Variants in ZNF81 observed in about 807,000 individuals in gnomAD.
ZNF81 encodes the protein zinc finger protein 81.
A neutral mutation model predicts 32.3 loss-of-function variants in ZNF81; 5 were observed. That is an observed-to-expected ratio of 0.15 (90% CI 0.08 to 0.33). ZNF81 has a LOEUF of 0.33. Among genes scored for constraint, ZNF81 ranks in the 10% least tolerant of loss-of-function variants. ZNF81 has a pLI of 1.00. For missense variants in ZNF81, 379 were observed against 479.8 expected, an observed-to-expected ratio of 0.79 and a Z score of 1.96; for synonymous variants, 163 against 166.8, an observed-to-expected ratio of 0.98 and a Z score of 0.17.
Position 47,915,679 on chromosome X carries a change from T to C in ZNF81, c.1033T>C (p.Leu345=). 8.3e-7 allele frequency: 1 copy of C among 1,209,558 alleles called. No individual in the cohort carries two copies. The highest frequency in any genetic ancestry group is 1.1e-6 in the Non-Finnish European group (1 of 894,709). Reference sequence around the variant, plus strand: ...GAAGGCCTTCATCCAGAATTCAGAATTAATTATGCATGAGAAAACTCATAC... The same window carrying C: ...GAAGGCCTTCATCCAGAATTCAGAACTAATTATGCATGAGAAAACTCATAC... ...CGKAFIQNSE[L]IMHEKTHTRE... is the part of the protein sequence containing the mutation. Residue 345 remains leucine, a synonymous_variant, in exon 5 of 5, where the codon TTA becomes CTA. Transcript: ENST00000338637.
At chrX:47,894,631 C>G (rs1255318552) in intron 3 of ZNF81, among the ~76,000 whole-genome samples, 1 of 111,433 alleles carries the variant, frequency 9.0e-6, no homozygotes, top group Non-Finnish European at 1.9e-5. Flanking sequence ...GCTAGTGGAC[C>G]ATTAGGGGTA....
At chrX:47,902,201 A>G (rs781925446) in intron 4 of ZNF81, among the ~76,000 whole-genome samples, 2 of 111,773 alleles carry the variant, frequency 1.8e-5, no homozygotes, top group South Asian at 3.7e-4. Context: ...ATCTTCGCCA[A>G]TGTACTCTCT....
intron 4 of ZNF81, among the ~76,000 whole-genome samples, chrX:47,905,905 C>A (rs2058719741): frequency 9.0e-6 from 1 of 111,664 alleles, no homozygotes; most frequent in Non-Finnish European, 1.9e-5. Flanking sequence ...GGTGCATTCT[C>A]CTGAGTTCCA....
intron 2 of ZNF81, among the ~76,000 whole-genome samples, chrX:47,857,674 T>C (rs187525404): frequency 9.0e-6 from 1 of 111,521 alleles, no homozygotes; most frequent in East Asian, 2.8e-4. Flanking sequence ...CTCACAAGCA[T>C]GCAACATGCA....
rs1461662244 is a variant in ZNF81 at position 47,884,603 on chromosome X, AATAG to A, written c.55-3392_55-3389del. ...TTTTAGAGTGATTTGCTATGCATCA[AATAG>A]ATAAGTAACACAGATTTTGGTACTG... On this transcript the variant is annotated intron_variant, in intron 2 of 4. Transcript: ENST00000338637. 7.1e-5 allele frequency among the ~76,000 whole-genome samples: 8 copies of A among 112,110 alleles called. 1 individual carries two copies. In the Admixed American group the frequency reaches 7.6e-4, roughly 11 times the overall value.
intron 2 of ZNF81, among the ~76,000 whole-genome samples, chrX:47,860,353 T>A (rs781978321): frequency 4.8e-5 from 5 of 105,176 alleles, no homozygotes; most frequent in African/African-American, 1.7e-4. Context: ...TTTTTCATAT[T>A]TTTTTTTTTA....
chrX:47,914,812 A>G (rs782134553), intron 4 of ZNF81, 112 bp from the exon 5 acceptor site: 137 of 733,726 alleles, frequency 1.9e-4, no homozygotes, highest in South Asian at 5.0e-4. Flanking sequence ...CATCATTGTC[A>G]TCATGAGATT....
chrX:47,888,107 A>T lies in ZNF81; in HGVS notation c.163A>T (p.Ser55Cys). ...CCAGGATGTAATGTTGGAGAACTAC[A>T]GCCACCTGCTCTCAGTGGGTAAGGA... Reference protein sequence around the residue: ...LYQDVMLENYSHLLSVGFEVP... With the variant: ...LYQDVMLENYCHLLSVGFEVP... Residue 55 changes from serine (S) to cysteine (C), a missense_variant, in exon 3 of 5, where the codon AGC becomes TGC. Ser to Cys is a moderately radical substitution (Grantham distance 112). Coordinates refer to ENST00000338637, the MANE Select transcript of ZNF81 (RefSeq NM_007137.5). 1 of 1,210,033 alleles carries T rather than the reference A, an allele frequency of 8.3e-7. No homozygotes were observed. Among genetic ancestry groups the T allele is most frequent in the East Asian group, 3.0e-5 (1 of 33,794 alleles).
chrX:47,922,144 A>G lies in ZNF81; in HGVS notation c.*5512A>G, dbSNP rs1259353110. The G allele has an allele frequency of 8.9e-6, 1 of 112,051 alleles. No homozygotes were observed. The highest frequency in any genetic ancestry group is 1.9e-5 in the Non-Finnish European group (1 of 53,215). 9.2% of individuals were successfully genotyped at this position (112,051 alleles called of 1,213,427 possible). ...AAGCTAACTGATACATTGATTATTTATTGCATTTCTTCCTCCACTATTCTT... is the reference window on the plus strand; with the variant it reads ...AAGCTAACTGATACATTGATTATTTGTTGCATTTCTTCCTCCACTATTCTT... On this transcript the variant is annotated 3_prime_UTR_variant, in exon 5 of 5. Coordinates refer to ENST00000338637, the MANE Select transcript of ZNF81 (RefSeq NM_007137.5).
intron 2 of ZNF81, among the ~76,000 whole-genome samples, chrX:47,854,738 C>T (rs1248446407): frequency 9.0e-6 from 1 of 111,701 alleles, no homozygotes; most frequent in African/African-American, 3.3e-5. Context: ...GCGCATGGTT[C>T]GTGGTGCCCT....
At chrX:47,864,185 CT>C (rs2058551599) in intron 2 of ZNF81, among the ~76,000 whole-genome samples, 8 of 111,351 alleles carry the variant, frequency 7.2e-5, no homozygotes, top group African/African-American at 2.6e-4. Context: ...CTCTGAAGTC[CT>C]TTTGAGTCAG....
intron 3 of ZNF81, 79 bp from the exon 4 acceptor site, chrX:47,895,766 A>G (rs993174033): frequency 2.7e-6 from 2 of 739,962 alleles, no homozygotes; most frequent in Non-Finnish European, 4.2e-6. Context: ...TCAGTTCCCC[A>G]TGAAATGTGG....
At chrX:47,840,742 A>C (rs1262280961) in intron 1 of ZNF81, among the ~76,000 whole-genome samples, 2 of 111,692 alleles carry the variant, frequency 1.8e-5, no homozygotes, top group Non-Finnish European at 3.8e-5. Flanking sequence ...TCCTGACCTC[A>C]GGTGATCCGC....
At chrX:47,840,391 C>T (rs373374749) in intron 1 of ZNF81, among the ~76,000 whole-genome samples, 3 of 111,190 alleles carry the variant, frequency 2.7e-5, no homozygotes, top group Admixed American at 1.9e-4. Flanking sequence ...CAGATGAGGC[C>T]GCAGCCAATG....
chrX:47,838,191 A>G (rs1341645100), intron 1 of ZNF81, among the ~76,000 whole-genome samples: 2 of 111,784 alleles, frequency 1.8e-5, no homozygotes, highest in African/African-American at 6.5e-5. Flanking sequence ...GCTGAGCTCA[A>G]TTATTAGGTT....
chrX:47,841,511 C>T (rs868977539), intron 1 of ZNF81: 5 of 969,429 alleles, frequency 5.2e-6, no homozygotes, highest in Middle Eastern at 2.8e-4. Context: ...CACCTTGTCA[C>T]GTTTCTGCCG....
chrX:47,900,771 T>G (rs782083997), intron 4 of ZNF81, among the ~76,000 whole-genome samples: 2 of 111,726 alleles, frequency 1.8e-5, no homozygotes, highest in Non-Finnish European at 3.8e-5. Flanking sequence ...CAGGTGCACT[T>G]CAGCCCTGCT....
Position 47,925,416 on chromosome X carries a change from G to A in ZNF81, c.*8784G>A, listed in dbSNP as rs1408854484. The stretch of plus-strand genomic sequence containing the variant: ...TTTATACACATGGAATAATACTATA[G>A]GTACTCTTGTTTGGCTCCTTCCATC... On this transcript the variant is annotated 3_prime_UTR_variant, in exon 5 of 5. Coordinates refer to ENST00000338637, the MANE Select transcript of ZNF81 (RefSeq NM_007137.5). 9.0e-6 allele frequency among the ~76,000 whole-genome samples: 1 copy of A among 111,722 alleles called. No homozygotes were observed.
chrX:47,889,612 T>C (rs782028361), intron 3 of ZNF81, among the ~76,000 whole-genome samples: 20 of 112,287 alleles, frequency 1.8e-4, no homozygotes, highest in African/African-American at 6.1e-4. Flanking sequence ...TTAGTCCGTT[T>C]GTTCTCACAT....
Sources: gnomAD v4.1 joint callset for allele counts (sites outside exome capture counted in the v4.1 genomes callset) on GRCh38, gnomAD v4.1.1 for gene constraint, MANE v1.5 for transcripts, NCBI Gene and HGNC (gene_info 2026-07-23, HGNC 2026-07-21) for gene names.